Variants in SCAPER observed in about 807,000 individuals in gnomAD.
The protein encoded by SCAPER is S-phase cyclin A associated protein in the ER, also known as S phase cyclin A-associated protein in the endoplasmic reticulum.
A neutral mutation model predicts 182.2 loss-of-function variants in SCAPER; 98 were observed. That is an observed-to-expected ratio of 0.54 (90% CI 0.46 to 0.64). The LOEUF (loss-of-function observed/expected upper bound fraction) is 0.64. SCAPER is among the 30% of genes least tolerant of loss of function. The pLI is 0.00. For missense variants in SCAPER, 1,432 were observed against 1,690.0 expected, an observed-to-expected ratio of 0.85 and a Z score of 2.68; for synonymous variants, 605 against 564.6, an observed-to-expected ratio of 1.07 and a Z score of -1.01.
intron 21 of SCAPER, among the ~76,000 whole-genome samples, chr15:76,651,405 T>C (rs2055024862): frequency 6.6e-6 from 1 of 152,226 alleles, no homozygotes; most frequent in East Asian, 1.9e-4. Context: ...CAAGATTGAA[T>C]TATTTTTCTT....
intron 17 of SCAPER, among the ~76,000 whole-genome samples, chr15:76,728,234 A>G (rs1170741073): frequency 1.3e-5 from 2 of 151,910 alleles, no homozygotes; most frequent in African/African-American, 4.8e-5. Flanking sequence ...AAAAAAAAAA[A>G]ATCCACTGCT....
chr15:76,605,627 A>T (rs1299407117), intron 22 of SCAPER, among the ~76,000 whole-genome samples: 1 of 152,226 alleles, frequency 6.6e-6, no homozygotes, highest in Non-Finnish European at 1.5e-5. Context: ...CCTCTGGTAG[A>T]ATTCGGCTGT....
intron 6 of SCAPER, among the ~76,000 whole-genome samples, chr15:76,804,329 C>T (rs2065988019): frequency 6.6e-6 from 1 of 152,174 alleles, no homozygotes; most frequent in African/African-American, 2.4e-5. Context: ...AATCTCTGTA[C>T]TGAATAAAGT....
chr15:76,658,471 C>CA (rs1450008890), intron 21 of SCAPER, among the ~76,000 whole-genome samples: 1 of 152,064 alleles, frequency 6.6e-6, no homozygotes, highest in African/African-American at 2.4e-5. Context: ...CTATTGTTAA[C>CA]ATGGCCATAC....
intron 2 of SCAPER, among the ~76,000 whole-genome samples, chr15:76,879,408 G>A (rs2073389613): frequency 6.6e-6 from 1 of 152,116 alleles, no homozygotes; most frequent in African/African-American, 2.4e-5. Flanking sequence ...CACAACAACT[G>A]ATCCAGAGGT....
chr15:76,585,560 C>T (rs2048587831), intron 22 of SCAPER, among the ~76,000 whole-genome samples: 1 of 152,144 alleles, frequency 6.6e-6, no homozygotes, highest in Non-Finnish European at 1.5e-5. Flanking sequence ...CTATTCTTAA[C>T]AAGAATGCTG....
intron 22 of SCAPER, among the ~76,000 whole-genome samples, chr15:76,614,774 C>T (rs1380457059): frequency 1.3e-5 from 2 of 152,012 alleles, no homozygotes; most frequent in Non-Finnish European, 1.5e-5. Flanking sequence ...AAGACTAGTA[C>T]AGGGATAAAT....
rs1277822920 is a variant in SCAPER at position 76,495,991 on chromosome 15, GAGACACACACAC to G, written c.2954+8856_2954+8867del. On this transcript the variant is annotated intron_variant, in intron 24 of 31. Transcript: ENST00000563290. ...AGAAAGAGAAAGAAAGCAAAAGAGA[GAGACACACACAC>G]ACACACACACACACACACACACACA... Among the ~76,000 whole-genome samples the G allele has an allele frequency of 9.1e-3, 916 of 100,958 alleles. 16 individuals are homozygous for G. Among genetic ancestry groups the G allele is most frequent in the African/African-American group, 0.026 (610 of 23,768 alleles). 66.2% of individuals were successfully genotyped at this position (100,958 alleles called of 152,430 possible). A position where few individuals can be genotyped will look rare whatever the true frequency, so the allele number is the denominator to read the frequency against.
At chr15:76,716,929 C>T (rs2059916125) in intron 17 of SCAPER, among the ~76,000 whole-genome samples, 1 of 151,952 alleles carries the variant, frequency 6.6e-6, no homozygotes, top group African/African-American at 2.4e-5. Context: ...GTCAATGAAG[C>T]TCAAAGATCT....
At chr15:76,548,578 G>A (rs549111166) in intron 23 of SCAPER, among the ~76,000 whole-genome samples, 1 of 152,180 alleles carries the variant, frequency 6.6e-6, no homozygotes. Context: ...AGCGCCACTG[G>A]TGAGTATTCT....
intron 21 of SCAPER, among the ~76,000 whole-genome samples, chr15:76,649,336 G>A (rs2054819749): frequency 6.6e-6 from 1 of 151,990 alleles, no homozygotes; most frequent in Non-Finnish European, 1.5e-5. Flanking sequence ...AGGCTGGGAT[G>A]GGAGGATCAC....
At chr15:76,365,631 C>T (rs950374741) in intron 29 of SCAPER, among the ~76,000 whole-genome samples, 8 of 151,390 alleles carry the variant, frequency 5.3e-5, no homozygotes, top group African/African-American at 1.5e-4. Flanking sequence ...ACCATATCAT[C>T]GTAAATTTGA....
At chr15:76,891,315 G>A (rs1421652831) in intron 1 of SCAPER, among the ~76,000 whole-genome samples, 2 of 152,244 alleles carry the variant, frequency 1.3e-5, no homozygotes, top group Admixed American at 6.5e-5. Context: ...GGAAATTCTG[G>A]CCAGAGCAAT....
At chr15:76,607,846 G>C (rs1192689557) in intron 22 of SCAPER, among the ~76,000 whole-genome samples, 2 of 152,144 alleles carry the variant, frequency 1.3e-5, no homozygotes, top group Non-Finnish European at 2.9e-5. Context: ...CGTAGCTCTT[G>C]TGCCTTGGTT....
In SCAPER at chr15:76,426,202, C is replaced by A. The variant is rs577932046; in HGVS notation, c.3311+7876G>T. 2.4e-4 allele frequency among the ~76,000 whole-genome samples: 36 copies of A among 152,308 alleles called. No individual in the cohort carries two copies. In the South Asian group the frequency reaches 7.5e-3, roughly 32 times the overall value. The stretch of plus-strand genomic sequence containing the variant: ...TTGCCTTTTGTTTGGCTGTGCCCTG[C>A]CCCCAGAGGTGGAGTCTACAGAGGC... On this transcript the variant is annotated intron_variant, in intron 26 of 31. Transcript: ENST00000563290.
intron 23 of SCAPER, among the ~76,000 whole-genome samples, chr15:76,547,691 A>G (rs2045413305): frequency 6.6e-6 from 1 of 150,910 alleles, no homozygotes; most frequent in South Asian, 2.1e-4. Context: ...TACTCTATCC[A>G]TACATCCACT....
intron 23 of SCAPER, among the ~76,000 whole-genome samples, chr15:76,555,582 G>T (rs1400096284): frequency 6.6e-6 from 1 of 152,094 alleles, no homozygotes; most frequent in Non-Finnish European, 1.5e-5. Context: ...AAAAGCAGGG[G>T]TTGCTTTCTA....
intron 2 of SCAPER, among the ~76,000 whole-genome samples, chr15:76,878,493 T>C (rs2073329593): frequency 6.6e-6 from 1 of 152,010 alleles, no homozygotes; most frequent in South Asian, 2.1e-4. Flanking sequence ...CCAAGCTTCA[T>C]TAAAATTAAG....
chr15:76,706,812 T>C (rs973521332), intron 17 of SCAPER, among the ~76,000 whole-genome samples: 2 of 151,950 alleles, frequency 1.3e-5, no homozygotes, highest in Admixed American at 1.3e-4. Context: ...GAATTTAAAG[T>C]ACAATAAATT....
Sources: gnomAD v4.1 joint callset for allele counts (sites outside exome capture counted in the v4.1 genomes callset) on GRCh38, gnomAD v4.1.1 for gene constraint, MANE v1.5 for transcripts, NCBI Gene and HGNC (gene_info 2026-07-23, HGNC 2026-07-21) for gene names.